UNC13A: variants seen among roughly 807,000 people sequenced by gnomAD.
UNC13A encodes the protein protein unc-13 homolog A.
Under a neutral mutation model 219.7 loss-of-function variants are expected in UNC13A, and 61 were observed. That is an observed-to-expected ratio of 0.28 (90% CI 0.23 to 0.34). The LOEUF is 0.34. Ranked by LOEUF, UNC13A falls within the 10% of genes least tolerant of loss-of-function variation. The probability of loss-of-function intolerance (pLI) is 1.00; values close to 1 mark genes in which losing one functional copy is unlikely to be tolerated. For missense variants in UNC13A, 1,476 were observed against 2,270.3 expected (o/e 0.65, Z 7.11); for synonymous variants, 920 against 884.6 (o/e 1.04, Z -0.71).
chr19:17,666,181 C>CTCTT (rs1568267695), intron 7 of UNC13A, among the ~76,000 whole-genome samples: 13 of 66,358 alleles, frequency 2.0e-4, no homozygotes, highest in African/African-American at 8.9e-4. Context: ...CTTTCTTTCT[C>CTCTT]TCTCTCTCTT....
At chr19:17,632,690 A>G (rs1315473036) in intron 28 of UNC13A, 92 bp downstream of exon 28, 1 of 1,583,462 alleles carries the variant, frequency 6.3e-7, no homozygotes, top group African/African-American at 1.3e-5. Flanking sequence ...TGCCCAGGTA[A>G]CCCTAAGTAG....
intron 28 of UNC13A, among the ~76,000 whole-genome samples, chr19:17,632,515 G>A (rs992761796): frequency 1.7e-4 from 26 of 152,204 alleles, no homozygotes; most frequent in African/African-American, 6.0e-4. Flanking sequence ...CCGCAAAATA[G>A]GAATTAAAAT....
intron 43 of UNC13A, among the ~76,000 whole-genome samples, chr19:17,609,476 C>T (rs1460267092): frequency 1.3e-5 from 2 of 152,052 alleles, no homozygotes; most frequent in Non-Finnish European, 2.9e-5. Context: ...GCTGCCCCAA[C>T]GGTCCTGACA....
intron 8 of UNC13A, among the ~76,000 whole-genome samples, chr19:17,661,901 C>A (rs1480088106): frequency 6.6e-6 from 1 of 152,052 alleles, no homozygotes; most frequent in Non-Finnish European, 1.5e-5. Flanking sequence ...CCATCACTCA[C>A]ATTACCGCCT....
intron 41 of UNC13A, among the ~76,000 whole-genome samples, chr19:17,616,117 G>A (rs1317871848): frequency 2.0e-5 from 3 of 152,214 alleles, no homozygotes; most frequent in East Asian, 3.9e-4. Context: ...TCAGAGCCCA[G>A]CTCTTAACCT....
chr19:17,677,884 C>T (rs920267603), intron 1 of UNC13A, among the ~76,000 whole-genome samples: 6 of 152,160 alleles, frequency 3.9e-5, no homozygotes, highest in African/African-American at 1.4e-4. Flanking sequence ...CGTCGGCAAC[C>T]ATACCCACGT....
At chr19:17,623,473 C>G in intron 36 of UNC13A, 69 bp downstream of exon 36, 1 of 1,338,304 alleles carries the variant, frequency 7.5e-7, no homozygotes, top group Non-Finnish European at 1.0e-6. Flanking sequence ...AGGGGTGCAG[C>G]GACGCGGTGG....
In UNC13A at chr19:17,688,173, C is replaced by T; in HGVS notation, c.22+5G>A. 6.5e-7 allele frequency: 1 copy of T among 1,529,490 alleles called. No individual in the cohort carries two copies. Among genetic ancestry groups the T allele is most frequent in the Non-Finnish European group, 8.8e-7 (1 of 1,138,200 alleles). 94.7% of individuals were successfully genotyped at this position (1,529,490 alleles called of 1,614,324 possible). On this transcript the variant is annotated splice_donor_5th_base_variant and intron_variant, in intron 1 of 43. Coordinates refer to ENST00000519716, the MANE Select transcript of UNC13A (RefSeq NM_001080421.3). Reference sequence around the variant, plus strand: ...GGTCCCCCGACCCCCAGCCTCGCCTCCTACCTCCAACGCAAAGCAGAGACA... The same window carrying T: ...GGTCCCCCGACCCCCAGCCTCGCCTTCTACCTCCAACGCAAAGCAGAGACA...
At chr19:17,616,431 C>G (rs1339381355) in intron 41 of UNC13A, 10 of 677,478 alleles carry the variant, frequency 1.5e-5, no homozygotes, top group Non-Finnish European at 2.7e-5. Context: ...AATGTCTTCA[C>G]TAAGGGTAAA....
intron 43 of UNC13A, 32 bp downstream of exon 43, chr19:17,609,908 C>T (rs776765762): frequency 1.9e-6 from 3 of 1,611,388 alleles, no homozygotes; most frequent in Non-Finnish European, 2.5e-6. Flanking sequence ...CCCTCCCTTG[C>T]CCCCATGCTC....
intron 43 of UNC13A, 58 bp from the exon 44 acceptor site, chr19:17,606,412 CG>C: frequency 2.0e-6 from 3 of 1,513,304 alleles, no homozygotes; most frequent in Non-Finnish European, 2.6e-6. Flanking sequence ...GCCCCGCCCA[CG>C]GCCCCGTCCC....
At chr19:17,650,188 G>A (rs1002854846) in intron 12 of UNC13A, among the ~76,000 whole-genome samples, 3 of 152,142 alleles carry the variant, frequency 2.0e-5, no homozygotes, top group African/African-American at 7.2e-5. Context: ...ATGAAAACGT[G>A]AATTAAGGCA....
intron 1 of UNC13A, among the ~76,000 whole-genome samples, chr19:17,686,471 C>T (rs977401862): frequency 6.6e-6 from 1 of 151,884 alleles, no homozygotes; most frequent in South Asian, 2.1e-4. Context: ...AGCCCGGCTA[C>T]TTAGAGCAGG....
chr19:17,655,895 T>C lies in UNC13A; in HGVS notation c.1271A>G (p.Lys424Arg). 6.6e-7 allele frequency: 1 copy of C among 1,522,228 alleles called. No homozygotes were observed. The highest frequency in any genetic ancestry group is 1.4e-5 in the African/African-American group (1 of 71,994). The allele number at this position is 1,522,228 out of a possible 1,614,324, so 94.3% of individuals were successfully genotyped here. The change falls in exon 10 of 44, where the codon AAG (lysine) becomes AGG (arginine). Residue 424 changes from lysine (K) to arginine (R), a missense_variant. This residue lies in a region of UNC13A where 351 missense variants were observed against 342.6 expected (regional missense o/e 1.02). Coordinates refer to ENST00000519716, the MANE Select transcript of UNC13A (RefSeq NM_001080421.3). ...CCCGTCCTGTTACCTCTCCTCGTCC[T>C]TGGGTGGCTCAGCCTCAGGGATCTG... is the stretch of plus-strand genomic sequence containing the variant. ...AEQIPEAEPPKDEESFRPRED... is the reference protein window; with the variant it reads ...AEQIPEAEPPRDEESFRPRED...
rs767461698 is a variant in UNC13A at position 17,609,932 on chromosome 19, A to G, written c.4811+8T>C. On this transcript the variant is annotated splice_region_variant and intron_variant, in intron 43 of 43. Coordinates refer to ENST00000519716, the MANE Select transcript of UNC13A (RefSeq NM_001080421.3). ...GCCCCCATGCTCTTCAAAGCATCCC[A>G]AACTCACAACTGGAAGCTCTCATTG... 1 of 1,613,118 alleles carries G rather than the reference A, an allele frequency of 6.2e-7. No homozygotes were observed. The highest frequency in any genetic ancestry group is 2.2e-5 in the East Asian group (1 of 44,880).
intron 11 of UNC13A, among the ~76,000 whole-genome samples, chr19:17,653,512 T>C (rs1275228192): frequency 2.6e-5 from 4 of 151,734 alleles, no homozygotes; most frequent in African/African-American, 9.7e-5. Context: ...CACACCCAAT[T>C]AATTTTTTGT....
chr19:17,667,022 A>G (rs10425662), intron 6 of UNC13A, among the ~76,000 whole-genome samples: 126,951 of 151,824 alleles, frequency 0.84, 53,799 homozygotes, highest in Middle Eastern at 0.92. Flanking sequence ...GGGAGGCCGA[A>G]GCGGGCAGAT....
intron 37 of UNC13A, 59 bp downstream of exon 37, chr19:17,621,773 T>G: frequency 2.5e-6 from 4 of 1,587,994 alleles, no homozygotes; most frequent in Non-Finnish European, 2.6e-6. Flanking sequence ...CGCACACACA[T>G]GCACACACAT....
chr19:17,645,568 A>G, intron 19 of UNC13A, 106 bp downstream of exon 19: 5 of 1,509,314 alleles, frequency 3.3e-6, no homozygotes, highest in Non-Finnish European at 4.5e-6. Flanking sequence ...ATGCTCCTCG[A>G]CCAAACTCCT....
Sources: allele counts gnomAD v4.1 joint callset (sites outside exome capture counted in the v4.1 genomes callset), GRCh38; gene constraint gnomAD v4.1.1; regional missense constraint gnomAD v4.1.1; transcripts MANE v1.5; gene names NCBI Gene and HGNC (gene_info 2026-07-23, HGNC 2026-07-21).